The following CSGALNACT1 variants were observed in gnomAD, a reference collection of about 807,000 sequenced individuals.
CSGALNACT1 encodes beta4GalNAcT-1.
In CSGALNACT1, 52 loss-of-function variants were observed where a neutral mutation model predicts 51.0. The ratio of observed to expected loss-of-function variants is 1.02; its 90% CI spans 0.82 to 1.29. The LOEUF (loss-of-function observed/expected upper bound fraction) is 1.29. Ranked by LOEUF, CSGALNACT1 falls within the 50% of genes most tolerant of loss-of-function variation. The pLI, the probability that CSGALNACT1 is intolerant of heterozygous loss-of-function variation, is 0.00. For synonymous variants in CSGALNACT1, 341 were observed against 254.4 expected, an observed-to-expected ratio of 1.34 and a Z score of -3.24; for missense variants, 935 against 679.2, an observed-to-expected ratio of 1.38 and a Z score of -4.19.
At chr8:19,543,314 G>C (rs75585416) in intron 3 of CSGALNACT1, among the ~76,000 whole-genome samples, 3,070 of 152,276 alleles carry the variant, frequency 0.02, 58 homozygotes, top group Non-Finnish European at 0.031. Context: ...GTTCTGTGCA[G>C]GAAAGTGTTA....
intron 1 of CSGALNACT1, among the ~76,000 whole-genome samples, chr8:19,611,784 C>T (rs893355054): frequency 3.3e-5 from 5 of 151,814 alleles, no homozygotes; most frequent in African/African-American, 1.2e-4. Context: ...GCAGCAGAAA[C>T]GGTAAGTAGT....
chr8:19,424,930 C>T (rs1236662454), intron 6 of CSGALNACT1, among the ~76,000 whole-genome samples: 1 of 152,088 alleles, frequency 6.6e-6, no homozygotes, highest in Non-Finnish European at 1.5e-5. Context: ...GTCCTGCTTC[C>T]CCCCTTCCAA....
At chr8:19,431,019 T>C (rs2059578962) in intron 6 of CSGALNACT1, among the ~76,000 whole-genome samples, 1 of 152,198 alleles carries the variant, frequency 6.6e-6, no homozygotes, top group Non-Finnish European at 1.5e-5. Flanking sequence ...AACCTTTGTA[T>C]ATTGATCTTG....
chr8:19,487,979 A>ACC (rs2073391733), intron 4 of CSGALNACT1, among the ~76,000 whole-genome samples: 1 of 142,952 alleles, frequency 7.0e-6, no homozygotes, highest in African/African-American at 2.5e-5. Context: ...CCCAAGAGAC[A>ACC]CCCTCTCACC....
At chr8:19,653,505 C>G (rs1412205072) in intron 1 of CSGALNACT1, among the ~76,000 whole-genome samples, 1 of 152,162 alleles carries the variant, frequency 6.6e-6, no homozygotes, top group Non-Finnish European at 1.5e-5. Flanking sequence ...TCACAATCTT[C>G]AGCTGCGGCC....
intron 3 of CSGALNACT1, among the ~76,000 whole-genome samples, chr8:19,522,075 C>T (rs1439428455): frequency 3.9e-5 from 6 of 152,312 alleles, no homozygotes; most frequent in Non-Finnish European, 5.9e-5. Flanking sequence ...GCCTTTGTCT[C>T]CCAGACCTGA....
At chr8:19,747,318 C>G (rs991571173) in intron 1 of CSGALNACT1, among the ~76,000 whole-genome samples, 3 of 152,000 alleles carry the variant, frequency 2.0e-5, no homozygotes, top group Non-Finnish European at 1.5e-5. Context: ...CGTGAAGATA[C>G]TGGTTCTACA....
chr8:19,561,188 G>T (rs2040624585), intron 3 of CSGALNACT1, among the ~76,000 whole-genome samples: 1 of 152,142 alleles, frequency 6.6e-6, no homozygotes, highest in African/African-American at 2.4e-5. Context: ...GTGTGATCAG[G>T]AAGGGACTCA....
At chr8:19,609,396 G>A (rs1242455866) in intron 1 of CSGALNACT1, among the ~76,000 whole-genome samples, 3 of 149,510 alleles carry the variant, frequency 2.0e-5, no homozygotes, top group Non-Finnish European at 4.4e-5. Context: ...AAACACAGAT[G>A]TTTCCTCAAT....
chr8:19,571,448 C>T (rs2043003125), intron 3 of CSGALNACT1, among the ~76,000 whole-genome samples: 1 of 150,738 alleles, frequency 6.6e-6, no homozygotes, highest in Non-Finnish European at 1.5e-5. Context: ...TTAAGAGTAG[C>T]CCCCCACCAA....
chr8:19,407,762 G>C, intron 9 of CSGALNACT1, among the ~76,000 whole-genome samples: 1 of 152,012 alleles, frequency 6.6e-6, no homozygotes, highest in East Asian at 1.9e-4. Context: ...GTGGACATTT[G>C]TGTATATGAA....
intron 4 of CSGALNACT1, among the ~76,000 whole-genome samples, chr8:19,474,227 A>G (rs188924329): frequency 5.8e-4 from 88 of 152,302 alleles, no homozygotes; most frequent in African/African-American, 2.1e-3. Flanking sequence ...AGGGAAAGAA[A>G]CCAACACTCC....
At chr8:19,618,374 C>T (rs983440007) in intron 1 of CSGALNACT1, among the ~76,000 whole-genome samples, 2 of 151,952 alleles carry the variant, frequency 1.3e-5, no homozygotes, top group Non-Finnish European at 2.9e-5. Context: ...GGCCCAGTGG[C>T]TCATACCTGT....
In CSGALNACT1 at chr8:19,467,820, A is replaced by T. The variant is rs1298230756; in HGVS notation, c.635-9178T>A. Among the ~76,000 whole-genome samples the T allele has an allele frequency of 2.0e-5, 3 of 152,236 alleles. No individual in the cohort carries two copies. The East Asian group carries it at 5.8e-4, about 29-fold the overall frequency. On this transcript the variant is annotated intron_variant, in intron 4 of 9. Coordinates refer to ENST00000454498, the Ensembl canonical transcript of CSGALNACT1. ...GGCAACATGGTGAAATCCTGTCTCC[A>T]CAAAAAATACTAAAAATTAGCCAGG...
At chr8:19,458,751 A>T (rs1296475779) in intron 4 of CSGALNACT1, 109 bp from the exon 4 acceptor site, 1 of 1,021,662 alleles carries the variant, frequency 9.8e-7, no homozygotes, top group Non-Finnish European at 1.5e-6. Context: ...TTTAAGATGA[A>T]ATCTCTCCAA....
At chr8:19,466,236 G>A (rs1253362599) in intron 4 of CSGALNACT1, among the ~76,000 whole-genome samples, 2 of 152,286 alleles carry the variant, frequency 1.3e-5, no homozygotes, top group East Asian at 3.9e-4. Context: ...AATACTGTCA[G>A]GCAACCAACT....
At chr8:19,500,204 A>C (rs2076175824) in intron 4 of CSGALNACT1, among the ~76,000 whole-genome samples, 1 of 152,116 alleles carries the variant, frequency 6.6e-6, no homozygotes, top group Non-Finnish European at 1.5e-5. Context: ...GACAGTAGTC[A>C]GAAGGACCCC....
chr8:19,531,228 A>T (rs1158626389), intron 3 of CSGALNACT1, among the ~76,000 whole-genome samples: 1 of 152,226 alleles, frequency 6.6e-6, no homozygotes, highest in Non-Finnish European at 1.5e-5. Context: ...AGAGTTGGAA[A>T]CATTGAAACC....
intron 1 of CSGALNACT1, among the ~76,000 whole-genome samples, chr8:19,751,401 T>C (rs1055405283): frequency 6.6e-6 from 1 of 152,210 alleles, no homozygotes; most frequent in African/African-American, 2.4e-5. Flanking sequence ...TAACCGTTTT[T>C]ATCATGGGAA....
Sources: gnomAD v4.1 joint callset for allele counts (sites outside exome capture counted in the v4.1 genomes callset) on GRCh38, gnomAD v4.1.1 for gene constraint, MANE v1.5 for transcripts, NCBI Gene and HGNC (gene_info 2026-07-23, HGNC 2026-07-21) for gene names.